MARK3: variants seen among roughly 807,000 people sequenced by gnomAD.
The protein encoded by MARK3 is microtubule affinity regulating kinase 3.
MARK3 carries 46 observed loss-of-function variants against 90.1 expected under a neutral mutation model. The observed-to-expected ratio is 0.51, with a 90% CI of 0.40 to 0.65. MARK3 has a LOEUF of 0.65. Ranked by LOEUF, MARK3 falls within the 30% of genes least tolerant of loss-of-function variation. The pLI is 0.00. For synonymous variants in MARK3, 321 were observed against 332.6 expected (o/e 0.97, Z 0.38); for missense variants, 818 against 947.2 (o/e 0.86, Z 1.79).
chr14:103,482,518 T>TAAA (rs11313266), intron 14 of MARK3, among the ~76,000 whole-genome samples: 1 of 148,226 alleles, frequency 6.7e-6, no homozygotes, highest in Non-Finnish European at 1.5e-5. Context: ...AAGACTCATC[T>TAAA]AAAAAAAAAA....
At chr14:103,456,894 T>TA (rs1335626322) in intron 5 of MARK3, among the ~76,000 whole-genome samples, 4 of 152,360 alleles carry the variant, frequency 2.6e-5, no homozygotes, top group African/African-American at 7.2e-5. Context: ...AAACGCTCTT[T>TA]AAAATAAGAG....
intron 14 of MARK3, among the ~76,000 whole-genome samples, chr14:103,487,290 G>A (rs1012748224): frequency 6.7e-6 from 1 of 150,276 alleles, no homozygotes; most frequent in Non-Finnish European, 1.5e-5. Context: ...AGGAGTTCCA[G>A]ACCAGCCTGG....
chr14:103,484,000 C>T (rs1367068745), intron 14 of MARK3, among the ~76,000 whole-genome samples: 2 of 152,274 alleles, frequency 1.3e-5, no homozygotes, highest in Admixed American at 6.5e-5. Flanking sequence ...TAAACCTAAT[C>T]TTTCAAGTTA....
In MARK3 at chr14:103,480,341, C is replaced by T. The variant is rs772676721; in HGVS notation, c.1483-46C>T. On this transcript the variant is annotated intron_variant, in intron 13 of 17. Coordinates refer to ENST00000429436, the MANE Select transcript of MARK3 (RefSeq NM_001128918.3). ...GATAAGTTCATTTTTTCTCATTGTA[C>T]TGTATTTACCAAATAAATTTAAGAC... 24 of 1,119,228 alleles carry T rather than the reference C, an allele frequency of 2.1e-5. No individual in the cohort carries two copies. In the Admixed American group the frequency reaches 3.1e-4, roughly 15 times the overall value. 69.3% of individuals were successfully genotyped at this position (1,119,228 alleles called of 1,614,324 possible). A position where few individuals can be genotyped will look rare whatever the true frequency, so the allele number is the denominator to read the frequency against.
rs768223519 is a variant in MARK3, at chr14:103,451,991, C to T, written c.412+8C>T. The T allele has an allele frequency of 2.5e-6, 4 of 1,587,358 alleles. No individual in the cohort carries two copies. The South Asian group carries it at 3.3e-5, about 13-fold the overall frequency. On this transcript the variant is annotated splice_region_variant and intron_variant, in intron 5 of 17. Coordinates refer to ENST00000429436, the MANE Select transcript of MARK3 (RefSeq NM_001128918.3). ...TGGAATATGCAAGTGGAGGTAAGAACATTTTTATATATATTGGGTTTTTTT... is the reference window on the plus strand; with the variant it reads ...TGGAATATGCAAGTGGAGGTAAGAATATTTTTATATATATTGGGTTTTTTT...
intron 1 of MARK3, among the ~76,000 whole-genome samples, chr14:103,387,930 TTTTTC>T (rs1471885002): frequency 6.6e-6 from 1 of 151,722 alleles, no homozygotes; most frequent in African/African-American, 2.4e-5. Flanking sequence ...AAATGGGTCT[TTTTTC>T]TTTCTTTCTT....
At chr14:103,389,380 T>A (rs2090052566) in intron 1 of MARK3, among the ~76,000 whole-genome samples, 1 of 148,108 alleles carries the variant, frequency 6.8e-6, no homozygotes, top group African/African-American at 2.5e-5. Flanking sequence ...AAAAAAAAAT[T>A]AGCCAGGTGC....
rs1029262916 is a variant in MARK3 at position 103,412,704 on chromosome 14, C to T, written c.243+7437C>T. The T allele has an allele frequency of 1.2e-4, 75 of 634,090 alleles. 1 individual carries two copies. The highest frequency in any genetic ancestry group is 2.1e-4 in the Non-Finnish European group (73 of 353,656). The allele number at this position is 634,090 out of a possible 1,614,324, so 39.3% of individuals were successfully genotyped here. Reference sequence around the variant, plus strand: ...AACTTGGGGCACTTTCACTGGTTCCCGTGCAGGACTTCCTGCACCGCCTCA... The same window carrying T: ...AACTTGGGGCACTTTCACTGGTTCCTGTGCAGGACTTCCTGCACCGCCTCA... On this transcript the variant is annotated intron_variant, in intron 2 of 17. Transcript: ENST00000429436.
chr14:103,426,115 T>C (rs1238867312), intron 2 of MARK3, among the ~76,000 whole-genome samples: 1 of 152,248 alleles, frequency 6.6e-6, no homozygotes, highest in Non-Finnish European at 1.5e-5. Flanking sequence ...TTTTTCATTC[T>C]GTCTCTCACA....
At chr14:103,485,796 G>A (rs972808221) in intron 14 of MARK3, among the ~76,000 whole-genome samples, 13 of 152,116 alleles carry the variant, frequency 8.5e-5, no homozygotes, top group African/African-American at 2.9e-4. Context: ...ACTTCGGGAG[G>A]CCTAGACAGG....
chr14:103,391,348 A>G (rs1441016396), intron 1 of MARK3, among the ~76,000 whole-genome samples: 2 of 152,228 alleles, frequency 1.3e-5, no homozygotes, highest in Non-Finnish European at 2.9e-5. Context: ...GAAGAAGCAA[A>G]TGCAGTATCA....
intron 15 of MARK3, among the ~76,000 whole-genome samples, chr14:103,494,016 C>G (rs1566941245): frequency 6.6e-6 from 1 of 151,624 alleles, no homozygotes; most frequent in East Asian, 1.9e-4. Flanking sequence ...GGCGGATCAC[C>G]TGGGGTCAGG....
At chr14:103,436,673 C>T (rs1037524341) in intron 3 of MARK3, among the ~76,000 whole-genome samples, 7 of 152,194 alleles carry the variant, frequency 4.6e-5, no homozygotes, top group Non-Finnish European at 8.8e-5. Flanking sequence ...AGTGCAGTGT[C>T]ATGATCATAG....
At chr14:103,415,461 G>T (rs1056857273) in intron 2 of MARK3, among the ~76,000 whole-genome samples, 1 of 152,118 alleles carries the variant, frequency 6.6e-6, no homozygotes, top group Non-Finnish European at 1.5e-5. Context: ...AAATGAAAAT[G>T]CTACCCATTA....
intron 2 of MARK3, among the ~76,000 whole-genome samples, chr14:103,419,132 C>T (rs144638837): frequency 4.7e-4 from 72 of 152,018 alleles, no homozygotes; most frequent in African/African-American, 1.4e-3. Context: ...ACTAAAAATA[C>T]GAAAACAAAA....
At chr14:103,452,670 A>G (rs1376456937) in intron 5 of MARK3, among the ~76,000 whole-genome samples, 1 of 150,754 alleles carries the variant, frequency 6.6e-6, no homozygotes, top group Non-Finnish European at 1.5e-5. Context: ...ACGGGGTTTC[A>G]CCGTGTTAGC....
intron 2 of MARK3, chr14:103,412,840 A>T: frequency 3.0e-6 from 1 of 334,164 alleles, no homozygotes; most frequent in Non-Finnish European, 5.7e-6. Context: ...GGAAATTGAT[A>T]TTTTAATGAT....
rs1382210903 is a variant in MARK3 at position 103,503,061 on chromosome 14, T to C, written c.2096T>C (p.Phe699Ser). 6.2e-7 allele frequency: 1 copy of C among 1,614,222 alleles called. No homozygotes were observed. The highest frequency in any genetic ancestry group is 2.2e-5 in the East Asian group (1 of 44,892). Residue 699 changes from phenylalanine to serine, a missense_variant, in exon 18 of 18, where the codon TTC becomes TCC. Physicochemically the swap from Phe to Ser is radical, Grantham distance 155. This residue lies in a region of MARK3 where 560 missense variants were observed against 613.5 expected (regional missense o/e 0.91). Transcript: ENST00000429436. Reference protein sequence around the residue: ...DYEQRERFLLFCVHGDGHAEN... With the variant: ...DYEQRERFLLSCVHGDGHAEN... ...GAGCAGAGGGAGCGCTTCTTGCTCTTCTGCGTCCACGGAGATGGGCACGCG... is the reference window on the plus strand; with the variant it reads ...GAGCAGAGGGAGCGCTTCTTGCTCTCCTGCGTCCACGGAGATGGGCACGCG...
At chr14:103,494,544 C>A (rs1372179286) in intron 15 of MARK3, among the ~76,000 whole-genome samples, 115 of 84,590 alleles carry the variant, frequency 1.4e-3, no homozygotes, top group African/African-American at 3.0e-3. Context: ...AACTCTGTCT[C>A]AAAAAAAAAA....
Sources: gnomAD v4.1 joint callset for allele counts (sites outside exome capture counted in the v4.1 genomes callset) on GRCh38, gnomAD v4.1.1 for gene constraint, gnomAD v4.1.1 regional missense constraint, MANE v1.5 for transcripts, NCBI Gene and HGNC (gene_info 2026-07-23, HGNC 2026-07-21) for gene names.